Variants in CYFIP1 observed in about 807,000 individuals in gnomAD.
CYFIP1 encodes the protein cytoplasmic FMR1 interacting protein 1.
A neutral mutation model predicts 163.5 loss-of-function variants in CYFIP1; 58 were observed. The ratio of observed to expected loss-of-function variants is 0.35; its 90% CI spans 0.29 to 0.44. The LOEUF (loss-of-function observed/expected upper bound fraction) is 0.44. Ranked by LOEUF, CYFIP1 falls within the 20% of genes least tolerant of loss-of-function variation. The pLI is 1.00. For missense variants in CYFIP1, 1,338 were observed against 1,653.8 expected, an observed-to-expected ratio of 0.81 and a Z score of 3.31; for synonymous variants, 663 against 660.7, an observed-to-expected ratio of 1.00 and a Z score of -0.05.
chr15:22,906,069 T>C (rs2060567943), intron 21 of CYFIP1, among the ~76,000 whole-genome samples: 1 of 151,934 alleles, frequency 6.6e-6, no homozygotes, highest in Non-Finnish European at 1.5e-5. Context: ...TTTTCTCTTT[T>C]CAAAACTTTC....
At chr15:22,918,326 A>C (rs1027892000) in intron 14 of CYFIP1, among the ~76,000 whole-genome samples, 2 of 151,906 alleles carry the variant, frequency 1.3e-5, no homozygotes, top group Admixed American at 1.3e-4. Flanking sequence ...CACCCACATG[A>C]CCAGAGCCTG....
intron 1 of CYFIP1, among the ~76,000 whole-genome samples, chr15:22,960,765 T>G (rs971022881): frequency 2.0e-5 from 3 of 152,152 alleles, no homozygotes; most frequent in African/African-American, 7.2e-5. Context: ...CAATACCACA[T>G]CTGGGCGGAA....
At chr15:22,872,759 TATAACAC>T in intron 30 of CYFIP1, 59 bp downstream of exon 30, 1 of 1,538,804 alleles carries the variant, frequency 6.5e-7, no homozygotes, top group Non-Finnish European at 8.9e-7. Flanking sequence ...AACAAGAACT[TATAACAC>T]AAAGAAAGTA....
chr15:22,882,602 C>G (rs2059798586), intron 24 of CYFIP1, among the ~76,000 whole-genome samples: 2 of 152,168 alleles, frequency 1.3e-5, no homozygotes, highest in Admixed American at 1.3e-4. Flanking sequence ...CCCAGGAGTT[C>G]AAGGACAGCC....
chr15:22,910,001 C>G (rs1043912298), intron 20 of CYFIP1, among the ~76,000 whole-genome samples: 16 of 151,056 alleles, frequency 1.1e-4, no homozygotes, highest in Admixed American at 9.2e-4. Context: ...CCCCAGGAGC[C>G]GCAGGGCAGA....
At chr15:22,979,872 C>T (rs965690059) in intron 1 of CYFIP1, among the ~76,000 whole-genome samples, 1 of 152,202 alleles carries the variant, frequency 6.6e-6, no homozygotes, top group Non-Finnish European at 1.5e-5. Flanking sequence ...TAACAATCTG[C>T]CTGCTCCTTA....
chr15:22,966,848 C>T (rs533318598), intron 1 of CYFIP1, among the ~76,000 whole-genome samples: 1 of 152,076 alleles, frequency 6.6e-6, no homozygotes, highest in South Asian at 2.1e-4. Context: ...TACATCTCGA[C>T]AGCATCTGTG....
chr15:22,978,509 A>G (rs1232685260), intron 1 of CYFIP1, among the ~76,000 whole-genome samples: 1 of 152,110 alleles, frequency 6.6e-6, no homozygotes, highest in Non-Finnish European at 1.5e-5. Flanking sequence ...GTATGACGAT[A>G]ATATATGCAA....
intron 21 of CYFIP1, among the ~76,000 whole-genome samples, chr15:22,908,530 T>C (rs1595569585): frequency 7.6e-6 from 1 of 131,204 alleles, no homozygotes; most frequent in East Asian, 2.2e-4. Context: ...TTTTTTTTTT[T>C]TTTTTTTTTT....
At chr15:22,904,517 A>G (rs1348284120) in intron 21 of CYFIP1, 2 of 154,296 alleles carry the variant, frequency 1.3e-5, no homozygotes, top group African/African-American at 4.8e-5. Context: ...GCAAATACCC[A>G]CCTCAACTAT....
chr15:22,925,762 G>C (rs568850698), intron 13 of CYFIP1, among the ~76,000 whole-genome samples: 12 of 152,224 alleles, frequency 7.9e-5, no homozygotes, highest in Admixed American at 3.9e-4. Flanking sequence ...GCAGGTCCAG[G>C]AGTCCAGATT....
intron 25 of CYFIP1, among the ~76,000 whole-genome samples, chr15:22,880,324 C>T (rs1235100990): frequency 6.6e-6 from 1 of 152,208 alleles, no homozygotes; most frequent in Admixed American, 6.5e-5. Context: ...GGAAACGTCA[C>T]CACATGACAA....
In CYFIP1 at chr15:22,874,538, G is replaced by C. The variant is rs374802807; in HGVS notation, c.3210+12C>G. 2 of 1,579,700 alleles carry C rather than the reference G, an allele frequency of 1.3e-6. No homozygotes were observed. The highest frequency in any genetic ancestry group is 2.3e-5 in the East Asian group (1 of 43,482). Reference sequence around the variant, plus strand: ...AGCTTGCAACAGCCACAGCCATCACGGTACACGTTACCTGAGGGGTCCCCA... The same window carrying C: ...AGCTTGCAACAGCCACAGCCATCACCGTACACGTTACCTGAGGGGTCCCCA... On this transcript the variant is annotated intron_variant, in intron 28 of 30. Transcript: ENST00000617928.
intron 22 of CYFIP1, among the ~76,000 whole-genome samples, chr15:22,893,890 T>A (rs1291319138): frequency 6.6e-6 from 1 of 152,228 alleles, no homozygotes; most frequent in African/African-American, 2.4e-5. Context: ...AGATGTGTTA[T>A]CTGCAGATGT....
chr15:22,868,199 GT>G lies in CYFIP1; in HGVS notation c.*1828del, dbSNP rs1398250968. The stretch of plus-strand genomic sequence containing the variant: ...TTTATTATTGGCCTTCTAAGGAGCT[GT>G]TTTAGATGTTTTTTCTAACTGCCTC... On this transcript the variant is annotated 3_prime_UTR_variant, in exon 31 of 31. Coordinates refer to ENST00000617928, the MANE Select transcript of CYFIP1 (RefSeq NM_014608.6). The G allele has an allele frequency of 6.6e-6, 1 of 152,154 alleles. No homozygotes were observed. The highest frequency in any genetic ancestry group is 1.5e-5 in the Non-Finnish European group (1 of 68,032). 9.4% of individuals were successfully genotyped at this position (152,154 alleles called of 1,614,324 possible).
At chr15:22,896,245 CG>C (rs1202948414) in intron 22 of CYFIP1, among the ~76,000 whole-genome samples, 1 of 152,238 alleles carries the variant, frequency 6.6e-6, no homozygotes, top group East Asian at 1.9e-4. Context: ...CACGTTGCCT[CG>C]GGTACACTGA....
At chr15:22,908,428 G>T (rs2060656453) in intron 21 of CYFIP1, among the ~76,000 whole-genome samples, 1 of 150,460 alleles carries the variant, frequency 6.6e-6, no homozygotes, top group Non-Finnish European at 1.5e-5. Flanking sequence ...CTGGAGATGA[G>T]ATGAATTCAG....
intron 20 of CYFIP1, 107 bp from the exon 21 acceptor site, chr15:22,909,420 ACC>A (rs531327681): frequency 7.2e-7 from 1 of 1,388,084 alleles, no homozygotes; most frequent in Non-Finnish European, 1.0e-6. Context: ...CAATAACGAC[ACC>A]CTTTACAACC....
intron 6 of CYFIP1, 24 bp downstream of exon 6, chr15:22,943,149 G>A (rs750782547): frequency 2.9e-5 from 46 of 1,609,228 alleles, no homozygotes; most frequent in Non-Finnish European, 3.7e-5. Context: ...GGGAGGGCCC[G>A]CAGTGCGCGA....
Sources: gnomAD v4.1 joint callset for allele counts (sites outside exome capture counted in the v4.1 genomes callset) on GRCh38, gnomAD v4.1.1 for gene constraint, MANE v1.5 for transcripts, NCBI Gene and HGNC (gene_info 2026-07-23, HGNC 2026-07-21) for gene names.